RAPGEF4: variants seen among roughly 807,000 people sequenced by gnomAD.
The protein encoded by RAPGEF4 is RAP guanine-nucleotide-exchange factor (GEF) 4.
In RAPGEF4, 66 loss-of-function variants were observed where a neutral mutation model predicts 147.9. The ratio of observed to expected loss-of-function variants is 0.45; its 90% CI spans 0.37 to 0.55. The LOEUF is 0.55. Among genes scored for constraint, RAPGEF4 ranks in the 20% least tolerant of loss-of-function variants. The pLI, the probability that RAPGEF4 is intolerant of heterozygous loss-of-function variation, is 0.00. For synonymous variants in RAPGEF4, 419 were observed against 442.7 expected, an observed-to-expected ratio of 0.95 and a Z score of 0.67; for missense variants, 1,071 against 1,257.3, an observed-to-expected ratio of 0.85 and a Z score of 2.24.
At position 172,784,294 on chromosome 2, in the gene RAPGEF4, G is replaced by A. The variant is rs186747176; in HGVS notation, c.66-10731G>A. ...AGCACTTTGGGAAGCTGAGGCAGGC[G>A]GATCATGAGGTCTGGAGATCGAGAC... On this transcript the variant is annotated intron_variant, in intron 1 of 30. Coordinates refer to ENST00000397081, the MANE Select transcript of RAPGEF4 (RefSeq NM_007023.4). Among the ~76,000 whole-genome samples, 636 of 152,238 alleles carry A rather than the reference G, an allele frequency of 4.2e-3. 4 individuals carry two copies. The highest frequency in any genetic ancestry group is 4.6e-3 in the Non-Finnish European group (311 of 68,016).
rs912461348 is a variant in RAPGEF4 at position 172,784,506 on chromosome 2, A to T, written c.66-10519A>T. On this transcript the variant is annotated intron_variant, in intron 1 of 30. Coordinates refer to ENST00000397081, the MANE Select transcript of RAPGEF4 (RefSeq NM_007023.4). ...GCACTCCAGCCTGGGCAACAGAGCG[A>T]AACTCTTAAAAAAAAAAAAAAAAAG... 9.5e-5 allele frequency among the ~76,000 whole-genome samples: 14 copies of T among 147,492 alleles called. No individual in the cohort carries two copies. The East Asian group carries it at 2.9e-3, about 30-fold the overall frequency.
chr2:173,017,819 G>A (rs769705922), intron 21 of RAPGEF4, among the ~76,000 whole-genome samples: 12 of 152,170 alleles, frequency 7.9e-5, no homozygotes. Context: ...TGGGAAGGTA[G>A]CTGGCGCCTA....
intron 1 of RAPGEF4, among the ~76,000 whole-genome samples, chr2:172,754,331 GA>G (rs1384777237): frequency 1.3e-5 from 2 of 151,996 alleles, no homozygotes; most frequent in African/African-American, 4.8e-5. Flanking sequence ...CTTATTGTTG[GA>G]CAACTAAGAC....
At chr2:172,858,780 TAAG>T (rs1021296987) in intron 4 of RAPGEF4, among the ~76,000 whole-genome samples, 6 of 152,206 alleles carry the variant, frequency 3.9e-5, no homozygotes, top group Admixed American at 2.0e-4. Flanking sequence ...TGATATAATC[TAAG>T]AAGAACTGAT....
At chr2:172,759,169 T>C (rs1696061548) in intron 1 of RAPGEF4, among the ~76,000 whole-genome samples, 1 of 152,236 alleles carries the variant, frequency 6.6e-6, no homozygotes, top group Non-Finnish European at 1.5e-5. Flanking sequence ...GTGATATGGC[T>C]AGTAGGTCTA....
intron 17 of RAPGEF4, among the ~76,000 whole-genome samples, chr2:173,006,563 T>C (rs1359439709): frequency 6.6e-6 from 1 of 152,190 alleles, no homozygotes; most frequent in East Asian, 1.9e-4. Context: ...TAAATCCACC[T>C]TTTCTGTGTT....
intron 1 of RAPGEF4, among the ~76,000 whole-genome samples, chr2:172,747,591 A>G (rs1694896178): frequency 6.6e-6 from 1 of 152,136 alleles, no homozygotes; most frequent in Non-Finnish European, 1.5e-5. Context: ...TTGGCTTCCC[A>G]AGTAGCTGGG....
At chr2:172,916,388 T>C (rs1684073506) in intron 4 of RAPGEF4, among the ~76,000 whole-genome samples, 1 of 152,216 alleles carries the variant, frequency 6.6e-6, no homozygotes, top group African/African-American at 2.4e-5. Context: ...TAACCAGTCC[T>C]CCTCTGCTCT....
At chr2:172,736,134 A>C (rs1191431153) in intron 1 of RAPGEF4, 86 bp downstream of exon 1, 14 of 1,125,456 alleles carry the variant, frequency 1.2e-5, no homozygotes, top group Non-Finnish European at 1.2e-5. Context: ...ACCTGGGCGC[A>C]GCGCGGCCGG....
intron 1 of RAPGEF4, among the ~76,000 whole-genome samples, chr2:172,771,978 C>T (rs1393973165): frequency 6.6e-6 from 1 of 152,204 alleles, no homozygotes; most frequent in Non-Finnish European, 1.5e-5. Context: ...GGCAACATGT[C>T]TATAATCCCA....
At chr2:172,868,622 T>A (rs955079876) in intron 4 of RAPGEF4, among the ~76,000 whole-genome samples, 10 of 152,238 alleles carry the variant, frequency 6.6e-5, no homozygotes, top group Non-Finnish European at 5.9e-5. Flanking sequence ...AGCAGCTATC[T>A]GTCTGAACCT....
At chr2:172,786,834 C>T (rs1344877214) in intron 1 of RAPGEF4, among the ~76,000 whole-genome samples, 1 of 152,136 alleles carries the variant, frequency 6.6e-6, no homozygotes, top group African/African-American at 2.4e-5. Context: ...TATAATCATG[C>T]CTGTATATGG....
intron 6 of RAPGEF4, among the ~76,000 whole-genome samples, chr2:172,930,845 C>T (rs1685845041): frequency 6.6e-6 from 1 of 152,130 alleles, no homozygotes; most frequent in East Asian, 1.9e-4. Context: ...CTTGGGAAAA[C>T]ATACCATGAA....
intron 4 of RAPGEF4, chr2:172,893,734 TG>T: frequency 6.6e-6 from 1 of 152,332 alleles, no homozygotes; most frequent in South Asian, 2.1e-4. Context: ...CTGCAATTCT[TG>T]AAGTAATATA....
At chr2:173,022,444 T>C (rs575174422) in intron 23 of RAPGEF4, among the ~76,000 whole-genome samples, 1 of 152,004 alleles carries the variant, frequency 6.6e-6, no homozygotes, top group East Asian at 1.9e-4. Flanking sequence ...GGCCAAACCT[T>C]ACCTGCCTCA....
At chr2:172,749,857 T>C (rs1452911840) in intron 1 of RAPGEF4, among the ~76,000 whole-genome samples, 1 of 152,224 alleles carries the variant, frequency 6.6e-6, no homozygotes, top group Non-Finnish European at 1.5e-5. Context: ...TTGAAATTTC[T>C]TCTGCTAGAT....
intron 6 of RAPGEF4, among the ~76,000 whole-genome samples, chr2:172,937,213 C>G (rs1686683713): frequency 6.6e-6 from 1 of 151,856 alleles, no homozygotes; most frequent in East Asian, 1.9e-4. Context: ...AGAGCAAGAC[C>G]CTGTCTCTTA....
At chr2:172,898,636 C>T (rs1698764237) in intron 4 of RAPGEF4, among the ~76,000 whole-genome samples, 1 of 152,114 alleles carries the variant, frequency 6.6e-6, no homozygotes, top group African/African-American at 2.4e-5. Context: ...GTATAGAGGA[C>T]AAACAAGAAT....
At chr2:172,967,200 A>G in intron 9 of RAPGEF4, 61 bp from the exon 10 acceptor site, 1 of 1,515,610 alleles carries the variant, frequency 6.6e-7, no homozygotes, top group Non-Finnish European at 9.0e-7. Flanking sequence ...ATTTGTTTCT[A>G]GTAAACGGAG....
Sources: gnomAD v4.1 joint callset for allele counts (sites outside exome capture counted in the v4.1 genomes callset) on GRCh38, gnomAD v4.1.1 for gene constraint, MANE v1.5 for transcripts, NCBI Gene and HGNC (gene_info 2026-07-23, HGNC 2026-07-21) for gene names.